LAMA2: variants seen among roughly 807,000 people sequenced by gnomAD.
LAMA2 encodes the protein laminin subunit alpha-2.
In LAMA2, 269 loss-of-function variants were observed where a neutral mutation model predicts 364.8. That is an observed-to-expected ratio of 0.74 (90% CI 0.67 to 0.82). The LOEUF is 0.82. Ranked by LOEUF, LAMA2 falls within the 40% of genes least tolerant of loss-of-function variation. LAMA2 has a pLI of 0.00. For synonymous variants in LAMA2, 1,379 were observed against 1,370.6 expected (o/e 1.01, Z -0.14); for missense variants, 3,807 against 3,873.2 (o/e 0.98, Z 0.45).
chr6:129,396,369 G>A (rs1167122468), intron 37 of LAMA2, among the ~76,000 whole-genome samples: 1 of 152,142 alleles, frequency 6.6e-6, no homozygotes, highest in Non-Finnish European at 1.5e-5. Flanking sequence ...AAAAATAACA[G>A]CATCATAGCA....
In LAMA2 at chr6:129,460,072, A is replaced by G. The variant is rs568724094; in HGVS notation, c.6868-128A>G. ...CTATGATGAAAAGATGAATATGTAC[A>G]TATGCCAAAATATCAGAAAGAATGG... On this transcript the variant is annotated intron_variant, in intron 48 of 64. Transcript: ENST00000421865. 6.3e-5 allele frequency: 56 copies of G among 887,372 alleles called. No individual in the cohort carries two copies. In the South Asian group the frequency reaches 7.7e-4, roughly 12 times the overall value. The allele number at this position is 887,372 out of a possible 1,614,324, so 55.0% of individuals were successfully genotyped here. A position where few individuals can be genotyped will look rare whatever the true frequency, so the allele number is the denominator to read the frequency against.
At chr6:129,216,243 C>T (rs1458738623) in intron 12 of LAMA2, among the ~76,000 whole-genome samples, 1 of 152,130 alleles carries the variant, frequency 6.6e-6, no homozygotes, top group Non-Finnish European at 1.5e-5. Flanking sequence ...AAACTGTTCT[C>T]TTTTGTTTTT....
At chr6:129,224,549 G>A (rs893013079) in intron 12 of LAMA2, among the ~76,000 whole-genome samples, 1 of 152,122 alleles carries the variant, frequency 6.6e-6, no homozygotes, top group Admixed American at 6.6e-5. Context: ...AGAGTTTTTG[G>A]CATGAAGGGC....
At chr6:129,423,644 G>A (rs75012687) in intron 40 of LAMA2, among the ~76,000 whole-genome samples, 2,600 of 152,142 alleles carry the variant, frequency 0.017, 82 homozygotes, top group African/African-American at 0.058. Flanking sequence ...GTGAAAATCA[G>A]TCATTTCAAA....
At chr6:128,960,456 G>C (rs1347251228) in intron 1 of LAMA2, among the ~76,000 whole-genome samples, 1 of 147,260 alleles carries the variant, frequency 6.8e-6, no homozygotes, top group Non-Finnish European at 1.5e-5. Flanking sequence ...CTCCGGCCTT[G>C]GCCCCACCCC....
rs186557304 is a variant in LAMA2, at chr6:128,996,841, G to A, written c.113-53077G>A. ...CACATGCACACGTATGTTTACTGCAGCACTATTCACAATAGCAAAGACTTG... is the reference window on the plus strand; with the variant it reads ...CACATGCACACGTATGTTTACTGCAACACTATTCACAATAGCAAAGACTTG... On this transcript the variant is annotated intron_variant, in intron 1 of 64. Transcript: ENST00000421865. Among the ~76,000 whole-genome samples, 133 of 152,274 alleles carry A rather than the reference G, an allele frequency of 8.7e-4. 4 individuals are homozygous for A. The East Asian group carries it at 0.022, about 26-fold the overall frequency.
At position 128,895,578 on chromosome 6, in the gene LAMA2, G is replaced by T. The variant is rs1263848832; in HGVS notation, c.112+12221G>T. On this transcript the variant is annotated intron_variant, in intron 1 of 64. Transcript: ENST00000421865. The stretch of plus-strand genomic sequence containing the variant: ...CAGGAGAATGGCGTGAATCCGGGAG[G>T]AGGAGCTTGCAGTGAGCCGAGATTG... Among the ~76,000 whole-genome samples, 8 of 152,062 alleles carry T rather than the reference G, an allele frequency of 5.3e-5. No homozygotes were observed. The East Asian group carries it at 1.5e-3, about 29-fold the overall frequency.
chr6:129,457,906 T>C lies in LAMA2; in HGVS notation c.6867+1412T>C, dbSNP rs147626294. On this transcript the variant is annotated intron_variant, in intron 48 of 64. Transcript: ENST00000421865. ...AACAAGCTCCTTTGGACCTATTTTA[T>C]AAGGGCACTAATTTCATTCATGAAG... 2.2e-4 allele frequency among the ~76,000 whole-genome samples: 34 copies of C among 152,222 alleles called. 1 individual carries two copies. In the East Asian group the frequency reaches 6.6e-3, roughly 29 times the overall value.
At chr6:129,219,337 G>T (rs974857422) in intron 12 of LAMA2, among the ~76,000 whole-genome samples, 1 of 152,078 alleles carries the variant, frequency 6.6e-6, no homozygotes, top group Non-Finnish European at 1.5e-5. Context: ...ACAGATGCTG[G>T]AGAGGATGTG....
intron 53 of LAMA2, among the ~76,000 whole-genome samples, chr6:129,475,781 C>T (rs756359187): frequency 1.1e-4 from 16 of 152,016 alleles, no homozygotes; most frequent in Non-Finnish European, 2.2e-4. Flanking sequence ...GAGTTGAACC[C>T]CGGGCCCTGG....
At chr6:129,095,477 A>G (rs1775116722) in intron 3 of LAMA2, among the ~76,000 whole-genome samples, 1 of 152,146 alleles carries the variant, frequency 6.6e-6, no homozygotes, top group Non-Finnish European at 1.5e-5. Flanking sequence ...ACTCTAAGAA[A>G]CGTTTTTATA....
intron 3 of LAMA2, among the ~76,000 whole-genome samples, chr6:129,086,005 A>AT (rs575917678): frequency 1.2e-3 from 185 of 152,194 alleles, no homozygotes; most frequent in African/African-American, 3.1e-3. Context: ...CAGCCGTCTC[A>AT]TTTTTTCCTT....
chr6:129,347,170 G>A (rs1407279909), intron 30 of LAMA2, among the ~76,000 whole-genome samples: 2 of 152,152 alleles, frequency 1.3e-5, no homozygotes, highest in African/African-American at 2.4e-5. Context: ...ATTGATGGAA[G>A]CACCAGCAGC....
chr6:129,032,087 G>C (rs558336216), intron 1 of LAMA2, among the ~76,000 whole-genome samples: 2 of 152,278 alleles, frequency 1.3e-5, no homozygotes, highest in African/African-American at 4.8e-5. Flanking sequence ...CAAAGTGCTG[G>C]GATTACAGGC....
intron 12 of LAMA2, among the ~76,000 whole-genome samples, chr6:129,248,307 C>T (rs541717959): frequency 4.3e-4 from 65 of 152,236 alleles, no homozygotes; most frequent in African/African-American, 1.5e-3. Flanking sequence ...CTGCAAGTTT[C>T]CATTATATGT....
At chr6:129,288,985 T>C (rs1158962766) in intron 19 of LAMA2, among the ~76,000 whole-genome samples, 1 of 152,194 alleles carries the variant, frequency 6.6e-6, no homozygotes, top group East Asian at 1.9e-4. Context: ...ACTGTAAATG[T>C]AGCCTATTAT....
chr6:128,946,032 G>A (rs1354333300), intron 1 of LAMA2, among the ~76,000 whole-genome samples: 2 of 152,308 alleles, frequency 1.3e-5, no homozygotes, highest in African/African-American at 4.8e-5. Flanking sequence ...CACACAGCAA[G>A]AGGCTTAGGA....
chr6:129,478,283 T>TC (rs1562600422), intron 53 of LAMA2, among the ~76,000 whole-genome samples: 4 of 152,120 alleles, frequency 2.6e-5, no homozygotes, highest in East Asian at 1.9e-4. Flanking sequence ...AGATTTTTTT[T>TC]TCTAACTTTT....
chr6:129,340,617 C>T (rs1776205162), intron 29 of LAMA2, among the ~76,000 whole-genome samples: 1 of 151,882 alleles, frequency 6.6e-6, no homozygotes, highest in African/African-American at 2.4e-5. Flanking sequence ...GGGTGGATCA[C>T]CTGAGGTCAG....
Sources: allele counts gnomAD v4.1 joint callset (sites outside exome capture counted in the v4.1 genomes callset), GRCh38; gene constraint gnomAD v4.1.1; transcripts MANE v1.5; gene names NCBI Gene and HGNC (gene_info 2026-07-23, HGNC 2026-07-21).